EPS15: variants seen among roughly 807,000 people sequenced by gnomAD.
EPS15 encodes the protein epidermal growth factor receptor substrate 15.
Under a neutral mutation model 113.8 loss-of-function variants are expected in EPS15, and 72 were observed. The observed-to-expected ratio is 0.63, with a 90% CI of 0.52 to 0.77. EPS15 has a LOEUF of 0.77. Among genes scored for constraint, EPS15 ranks in the 30% least tolerant of loss-of-function variants. EPS15 has a pLI of 0.00. For synonymous variants in EPS15, 344 were observed against 363.4 expected (o/e 0.95, Z 0.61); for missense variants, 1,048 against 1,045.8 (o/e 1.00, Z -0.03).
intron 1 of EPS15, among the ~76,000 whole-genome samples, chr1:51,483,583 G>A (rs188716377): frequency 6.7e-4 from 102 of 152,134 alleles, no homozygotes; most frequent in African/African-American, 2.0e-3. Context: ...CAAGGTGGGC[G>A]GATCACGAGG....
At chr1:51,459,366 G>A (rs1331331987) in intron 8 of EPS15, among the ~76,000 whole-genome samples, 3 of 151,960 alleles carry the variant, frequency 2.0e-5, no homozygotes, top group African/African-American at 7.3e-5. Flanking sequence ...ATGTGGTGGT[G>A]CACTTCTGTA....
intron 21 of EPS15, among the ~76,000 whole-genome samples, chr1:51,389,252 T>C (rs1041675764): frequency 1.8e-4 from 28 of 152,182 alleles, no homozygotes; most frequent in Admixed American, 5.2e-4. Flanking sequence ...GAAAAGGCCT[T>C]TGACAAAATT....
intron 13 of EPS15, 113 bp from the exon 14 acceptor site, chr1:51,409,809 T>C: frequency 1.4e-6 from 1 of 697,060 alleles, no homozygotes. Context: ...TATACTGTGT[T>C]GATGAGACTA....
intron 1 of EPS15, among the ~76,000 whole-genome samples, chr1:51,506,661 G>C (rs1250128647): frequency 6.6e-6 from 1 of 151,724 alleles, no homozygotes; most frequent in East Asian, 1.9e-4. Flanking sequence ...AGACAAACCA[G>C]GACATTTCAA....
At chr1:51,417,333 A>C (rs1159668786) in intron 13 of EPS15, among the ~76,000 whole-genome samples, 1 of 152,206 alleles carries the variant, frequency 6.6e-6, no homozygotes, top group Non-Finnish European at 1.5e-5. Context: ...GATAACTACT[A>C]TGCTCTCAAT....
intron 21 of EPS15, among the ~76,000 whole-genome samples, chr1:51,371,597 TTAAAC>T (rs1440111504): frequency 2.0e-5 from 3 of 152,228 alleles, no homozygotes; most frequent in African/African-American, 7.2e-5. Context: ...GTATAGTGTT[TTAAAC>T]TAAAGGTTTA....
intron 6 of EPS15, among the ~76,000 whole-genome samples, chr1:51,464,242 A>AT (rs11375231): frequency 0.85 from 124,520 of 145,994 alleles, 53,805 homozygotes; most frequent in East Asian, 0.97. Flanking sequence ...AATAAATAAA[A>AT]TTTTTTTTTT....
At chr1:51,469,081 G>T (rs1655060224) in intron 4 of EPS15, among the ~76,000 whole-genome samples, 1 of 152,124 alleles carries the variant, frequency 6.6e-6, no homozygotes, top group Admixed American at 6.5e-5. Context: ...AGTGAGCCGA[G>T]ATCGGGCTAC....
intron 11 of EPS15, among the ~76,000 whole-genome samples, chr1:51,442,092 TTC>T (rs1483716884): frequency 6.6e-6 from 1 of 152,130 alleles, no homozygotes; most frequent in Non-Finnish European, 1.5e-5. Flanking sequence ...ACCTCCTATT[TTC>T]TGTGTTCCAC....
At chr1:51,374,191 A>C (rs1221865464) in intron 21 of EPS15, among the ~76,000 whole-genome samples, 1 of 152,190 alleles carries the variant, frequency 6.6e-6, no homozygotes, top group Non-Finnish European at 1.5e-5. Context: ...TGTTATAAAG[A>C]TTTAATTAAC....
At chr1:51,461,939 G>A (rs762395231) in intron 7 of EPS15, 4 of 152,162 alleles carry the variant, frequency 2.6e-5, no homozygotes, top group East Asian at 1.9e-4. Flanking sequence ...AATTCTATAA[G>A]CTGGGAATTA....
chr1:51,399,817 G>A (rs766859673), intron 19 of EPS15, among the ~76,000 whole-genome samples: 1 of 151,786 alleles, frequency 6.6e-6, no homozygotes, highest in Non-Finnish European at 1.5e-5. Flanking sequence ...AGTCAAGACC[G>A]CACTACTTGT....
At chr1:51,377,324 G>A (rs1476505736) in intron 21 of EPS15, among the ~76,000 whole-genome samples, 1 of 152,168 alleles carries the variant, frequency 6.6e-6, no homozygotes, top group African/African-American at 2.4e-5. Flanking sequence ...GCAATAGTAA[G>A]AGGACTTTGA....
chr1:51,474,660 A>G (rs1157694080), intron 2 of EPS15, among the ~76,000 whole-genome samples: 1 of 152,088 alleles, frequency 6.6e-6, no homozygotes, highest in African/African-American at 2.4e-5. Context: ...TTTGTAAACC[A>G]AATGAAATAG....
intron 21 of EPS15, among the ~76,000 whole-genome samples, chr1:51,392,247 C>T (rs1647455241): frequency 6.6e-6 from 1 of 152,138 alleles, no homozygotes; most frequent in Non-Finnish European, 1.5e-5. Context: ...TCTCTCCATG[C>T]CTGGATTTTC....
chr1:51,390,100 C>G (rs1456067078), intron 21 of EPS15, among the ~76,000 whole-genome samples: 1 of 152,166 alleles, frequency 6.6e-6, no homozygotes, highest in Admixed American at 6.5e-5. Flanking sequence ...CAGCATGGTA[C>G]TGGTACCAAA....
chr1:51,484,563 C>T (rs552913373), intron 1 of EPS15, among the ~76,000 whole-genome samples: 1 of 152,132 alleles, frequency 6.6e-6, no homozygotes, highest in Non-Finnish European at 1.5e-5. Flanking sequence ...TAAGTGCTTT[C>T]ACCACATAAA....
chr1:51,458,102 A>C (rs1283596830), intron 8 of EPS15: 3 of 152,176 alleles, frequency 2.0e-5, no homozygotes, highest in Non-Finnish European at 4.4e-5. Context: ...CAGGAGAAGC[A>C]GTATTAAAAT....
chr1:51,385,547 T>A (rs1016484761), intron 21 of EPS15, among the ~76,000 whole-genome samples: 1 of 152,240 alleles, frequency 6.6e-6, no homozygotes, highest in African/African-American at 2.4e-5. Context: ...CCAGCAATTC[T>A]ACTTTTAGAA....
Sources: allele counts gnomAD v4.1 joint callset (sites outside exome capture counted in the v4.1 genomes callset), GRCh38; gene constraint gnomAD v4.1.1; transcripts MANE v1.5; gene names NCBI Gene and HGNC (gene_info 2026-07-23, HGNC 2026-07-21).